The following SCAF4 variants were observed in gnomAD, a reference collection of about 807,000 sequenced individuals.
SCAF4 encodes the protein SR-related CTD associated factor 4.
Under a neutral mutation model 129.8 loss-of-function variants are expected in SCAF4, and 25 were observed. The observed-to-expected ratio is 0.19, with a 90% CI of 0.14 to 0.27. The LOEUF is 0.27. Ranked by LOEUF, SCAF4 falls within the 10% of genes least tolerant of loss-of-function variation. The pLI is 1.00. For synonymous variants in SCAF4, 551 were observed against 497.7 expected (o/e 1.11, Z -1.43); for missense variants, 1,246 against 1,457.1 (o/e 0.86, Z 2.36).
At chr21:31,706,864 T>C (rs1050975678) in intron 1 of SCAF4, 10 of 255,674 alleles carry the variant, frequency 3.9e-5, no homozygotes, top group Non-Finnish European at 6.3e-5. Context: ...AAGCCAAGTC[T>C]ACTCAGTACA....
At chr21:31,713,072 A>C (rs905171603) in intron 1 of SCAF4, among the ~76,000 whole-genome samples, 1 of 152,242 alleles carries the variant, frequency 6.6e-6, no homozygotes, top group Non-Finnish European at 1.5e-5. Flanking sequence ...CTCTAAAACA[A>C]AATGAACTTG....
At position 31,688,442 on chromosome 21, in the gene SCAF4, C is replaced by G; in HGVS notation, c.1908G>C (p.Lys636Asn). ...CATTTTGAGCAACTTCATTTTCAGG[C>G]TTCTTAGGAATTCCTTTCCAATCTG... ...LNPDWKGIPK[K>N]PENEVAQNGG... The change falls in exon 16 of 20, where the codon AAG becomes AAC. Residue 636 changes from lysine (K) to asparagine (N), a missense_variant. Physicochemically the swap from Lys to Asn is moderately conservative, Grantham distance 94. This residue lies in a region of SCAF4 where 468 missense variants were observed against 605.5 expected (regional missense o/e 0.77). Transcript: ENST00000286835. 3.7e-6 allele frequency: 6 copies of G among 1,613,854 alleles called. No homozygotes were observed. The highest frequency in any genetic ancestry group is 5.1e-6 in the Non-Finnish European group (6 of 1,179,870).
intron 1 of SCAF4, among the ~76,000 whole-genome samples, chr21:31,726,237 G>A (rs1298911982): frequency 6.6e-6 from 1 of 152,030 alleles, no homozygotes; most frequent in Non-Finnish European, 1.5e-5. Flanking sequence ...AGTAGAGACG[G>A]GGTTTCACCG....
chr21:31,679,261 T>C (rs766790575), intron 19 of SCAF4, among the ~76,000 whole-genome samples: 7 of 152,202 alleles, frequency 4.6e-5, no homozygotes, highest in Non-Finnish European at 1.0e-4. Context: ...CATGAACTTT[T>C]CCCACATGAA....
intron 19 of SCAF4, among the ~76,000 whole-genome samples, chr21:31,683,708 TG>T (rs2050048790): frequency 6.8e-6 from 1 of 148,128 alleles, no homozygotes; most frequent in South Asian, 2.1e-4. Context: ...CATGTTAATA[TG>T]AAAAAAAAAA....
At chr21:31,702,626 T>C (rs2050562197) in intron 4 of SCAF4, among the ~76,000 whole-genome samples, 1 of 152,194 alleles carries the variant, frequency 6.6e-6, no homozygotes, top group African/African-American at 2.4e-5. Flanking sequence ...AAATTTATTA[T>C]TTGACATTTT....
intron 1 of SCAF4, among the ~76,000 whole-genome samples, chr21:31,718,515 C>G (rs964480375): frequency 2.6e-5 from 4 of 151,660 alleles, no homozygotes; most frequent in South Asian, 2.1e-4. Context: ...AGGATGGTTT[C>G]GAACTCCTGG....
At chr21:31,701,626 T>C in intron 6 of SCAF4, 150 bp downstream of exon 6, 1 of 755,928 alleles carries the variant, frequency 1.3e-6, no homozygotes, top group Non-Finnish European at 2.0e-6. Context: ...TCCCTGTTCC[T>C]CCTACATTAC....
intron 1 of SCAF4, among the ~76,000 whole-genome samples, chr21:31,711,695 A>G (rs1483287044): frequency 6.6e-6 from 1 of 152,222 alleles, no homozygotes; most frequent in Non-Finnish European, 1.5e-5. Context: ...TAGTGTACAG[A>G]TAGTAAAGAT....
chr21:31,719,745 C>A (rs767250658), intron 1 of SCAF4, among the ~76,000 whole-genome samples: 6 of 152,160 alleles, frequency 3.9e-5, no homozygotes, highest in Non-Finnish European at 5.9e-5. Flanking sequence ...CTCAGGTGAT[C>A]TGCCTGCCTT....
At chr21:31,712,597 C>T (rs1328143529) in intron 1 of SCAF4, among the ~76,000 whole-genome samples, 9 of 134,502 alleles carry the variant, frequency 6.7e-5, no homozygotes, top group African/African-American at 2.0e-4. Context: ...GGCGCGATCT[C>T]GGCTCACTGC....
At chr21:31,722,778 C>A (rs2051101331) in intron 1 of SCAF4, among the ~76,000 whole-genome samples, 1 of 151,560 alleles carries the variant, frequency 6.6e-6, no homozygotes, top group South Asian at 2.1e-4. Flanking sequence ...CATTGAGAAA[C>A]CCCGTCTCTA....
At chr21:31,722,633 G>A (rs1018246523) in intron 1 of SCAF4, among the ~76,000 whole-genome samples, 1 of 152,164 alleles carries the variant, frequency 6.6e-6, no homozygotes, top group Admixed American at 6.5e-5. Context: ...AACCATTTCA[G>A]TAAAATTTTG....
At chr21:31,696,991 GCTTT>G (rs1374080156) in intron 7 of SCAF4, among the ~76,000 whole-genome samples, 2 of 152,064 alleles carry the variant, frequency 1.3e-5, no homozygotes, top group East Asian at 1.9e-4. Flanking sequence ...TAAGTACAGT[GCTTT>G]CTATTTTCTA....
At chr21:31,714,072 T>A (rs925404248) in intron 1 of SCAF4, among the ~76,000 whole-genome samples, 1 of 152,168 alleles carries the variant, frequency 6.6e-6, no homozygotes, top group Non-Finnish European at 1.5e-5. Flanking sequence ...CAGATGACTC[T>A]GGGCAAATTA....
intron 6 of SCAF4, 45 bp downstream of exon 6, chr21:31,701,731 G>A: frequency 1.9e-6 from 3 of 1,560,706 alleles, no homozygotes; most frequent in Non-Finnish European, 2.6e-6. Context: ...AGTGACAACA[G>A]TACCTAGTCC....
intron 6 of SCAF4, among the ~76,000 whole-genome samples, chr21:31,701,512 T>C (rs577907562): frequency 1.3e-5 from 2 of 152,312 alleles, no homozygotes; most frequent in South Asian, 4.1e-4. Context: ...TCAGAAATGC[T>C]AGAATTGTGA....
At chr21:31,713,002 T>C in intron 1 of SCAF4, 1 of 258,572 alleles carries the variant, frequency 3.9e-6, no homozygotes, top group Non-Finnish European at 6.0e-6. Context: ...TAAAAATCAA[T>C]TATACTGCTC....
chr21:31,704,822 C>T (rs186793688), intron 3 of SCAF4, among the ~76,000 whole-genome samples: 1 of 152,106 alleles, frequency 6.6e-6, no homozygotes, highest in Non-Finnish European at 1.5e-5. Flanking sequence ...TACTAACCAT[C>T]TTTTTTGCCT....
Sources: allele counts gnomAD v4.1 joint callset (sites outside exome capture counted in the v4.1 genomes callset), GRCh38; gene constraint gnomAD v4.1.1; regional missense constraint gnomAD v4.1.1; transcripts MANE v1.5; gene names NCBI Gene and HGNC (gene_info 2026-07-23, HGNC 2026-07-21).